DGKB: variants seen among roughly 807,000 people sequenced by gnomAD.
DGKB encodes the protein diacylglycerol kinase beta.
In DGKB, 67 loss-of-function variants were observed where a neutral mutation model predicts 114.3. That is an observed-to-expected ratio of 0.59 (90% CI 0.48 to 0.72). The LOEUF (loss-of-function observed/expected upper bound fraction) is 0.72. DGKB is among the 30% of genes least tolerant of loss of function. The pLI is 0.00. For synonymous variants in DGKB, 398 were observed against 323.1 expected, an observed-to-expected ratio of 1.23 and a Z score of -2.49; for missense variants, 907 against 975.2, an observed-to-expected ratio of 0.93 and a Z score of 0.93.
intron 21 of DGKB, among the ~76,000 whole-genome samples, chr7:14,425,169 C>T (rs1362762432): frequency 6.6e-6 from 1 of 152,010 alleles, no homozygotes; most frequent in Non-Finnish European, 1.5e-5. Flanking sequence ...ATCCTCTCAA[C>T]AACATACTGC....
At chr7:14,554,114 T>C (rs979952794) in intron 20 of DGKB, among the ~76,000 whole-genome samples, 7 of 151,964 alleles carry the variant, frequency 4.6e-5, no homozygotes, top group Non-Finnish European at 8.8e-5. Context: ...CCTCGTGATC[T>C]GCCCACCTCG....
chr7:14,381,038 A>G (rs1819382199), intron 21 of DGKB, among the ~76,000 whole-genome samples: 1 of 152,204 alleles, frequency 6.6e-6, no homozygotes, highest in African/African-American at 2.4e-5. Flanking sequence ...GTTGGAAGGA[A>G]GGCTCCTCAC....
In DGKB at chr7:14,309,949, A is replaced by C. The variant is rs201298164; in HGVS notation, c.2122+28566T>G. Among the ~76,000 whole-genome samples, 8 of 152,276 alleles carry C rather than the reference A, an allele frequency of 5.3e-5. No individual in the cohort carries two copies. The East Asian group carries it at 1.5e-3, about 29-fold the overall frequency. ...TACAGTAGCTAATGGATATGGAAGCACTCTACTATGATATTAAGATTTAAA... is the reference window on the plus strand; with the variant it reads ...TACAGTAGCTAATGGATATGGAAGCCCTCTACTATGATATTAAGATTTAAA... On this transcript the variant is annotated intron_variant, in intron 23 of 25. Coordinates refer to ENST00000402815, the MANE Select transcript of DGKB (RefSeq NM_001350709.2).
intron 23 of DGKB, among the ~76,000 whole-genome samples, chr7:14,221,150 C>G (rs1343896948): frequency 6.6e-6 from 1 of 151,090 alleles, no homozygotes; most frequent in East Asian, 1.9e-4. Context: ...AATCTGATGC[C>G]TTTTATTTAT....
chr7:14,497,241 A>G (rs1484958298), intron 20 of DGKB, among the ~76,000 whole-genome samples: 1 of 151,798 alleles, frequency 6.6e-6, no homozygotes, highest in Non-Finnish European at 1.5e-5. Context: ...CATATGATGT[A>G]AACTATTAGG....
At chr7:14,545,219 T>C (rs1794091748) in intron 20 of DGKB, among the ~76,000 whole-genome samples, 1 of 152,122 alleles carries the variant, frequency 6.6e-6, no homozygotes, top group African/African-American at 2.4e-5. Flanking sequence ...GTACATTTTT[T>C]CAGTTGCAAA....
chr7:14,507,506 G>A (rs1429256803), intron 20 of DGKB, among the ~76,000 whole-genome samples: 3 of 152,068 alleles, frequency 2.0e-5, no homozygotes, highest in Admixed American at 6.6e-5. Flanking sequence ...AAACCATAAA[G>A]TATATGAAGA....
chr7:14,152,219 C>T (rs981515178), intron 25 of DGKB, among the ~76,000 whole-genome samples: 3 of 151,984 alleles, frequency 2.0e-5, no homozygotes, highest in African/African-American at 7.2e-5. Flanking sequence ...GGACATGAAC[C>T]AAATGGCCTT....
rs536157535 is a variant in DGKB, at chr7:14,682,294, A to T, written c.1035+259T>A. 7.3e-5 allele frequency among the ~76,000 whole-genome samples: 11 copies of T among 151,704 alleles called. No individual in the cohort carries two copies. In the South Asian group the frequency reaches 2.1e-3, roughly 29 times the overall value. ...GATTACCTTCCTGGGAACCTCTAAC[A>T]CTCCATGGAACACAGTTTAAAAACC... On this transcript the variant is annotated intron_variant, in intron 12 of 25. Transcript: ENST00000402815.
intron 23 of DGKB, among the ~76,000 whole-genome samples, chr7:14,206,514 T>C (rs1372406194): frequency 6.6e-6 from 1 of 152,032 alleles, no homozygotes; most frequent in Non-Finnish European, 1.5e-5. Flanking sequence ...AAAGGCATAT[T>C]AGGCTTAATA....
At chr7:14,362,167 G>A (rs780509589) in intron 21 of DGKB, among the ~76,000 whole-genome samples, 6 of 152,002 alleles carry the variant, frequency 3.9e-5, no homozygotes, top group Non-Finnish European at 7.4e-5. Context: ...TGGAGGCTCC[G>A]TTTAGTGGGT....
At chr7:14,667,083 A>T (rs1227539980) in intron 13 of DGKB, among the ~76,000 whole-genome samples, 1 of 152,094 alleles carries the variant, frequency 6.6e-6, no homozygotes, top group Non-Finnish European at 1.5e-5. Flanking sequence ...GCATGCTTAT[A>T]AAAAGCATTT....
intron 2 of DGKB, among the ~76,000 whole-genome samples, chr7:14,765,324 G>A (rs960256539): frequency 6.6e-6 from 1 of 152,076 alleles, no homozygotes; most frequent in East Asian, 1.9e-4. Context: ...AGCTTAAAAA[G>A]ATAATGGGCA....
intron 2 of DGKB, among the ~76,000 whole-genome samples, chr7:14,819,637 C>T (rs1270439618): frequency 6.6e-6 from 1 of 151,978 alleles, no homozygotes; most frequent in Non-Finnish European, 1.5e-5. Context: ...TACTACATCC[C>T]TATGACACAC....
Position 14,281,048 on chromosome 7 carries a change from T to G in DGKB, c.2122+57467A>C, listed in dbSNP as rs1201067498. On this transcript the variant is annotated intron_variant, in intron 23 of 25. Transcript: ENST00000402815. ...ATGTAAATGGACTAAATGCTCCAAT[T>G]AAAAGACACAGACTGGCAAATTGGA... is the stretch of plus-strand genomic sequence containing the variant. 1.7e-3 allele frequency among the ~76,000 whole-genome samples: 255 copies of G among 149,442 alleles called. 1 individual carries two copies. Among genetic ancestry groups the G allele is most frequent in the African/African-American group, 5.9e-3 (241 of 40,864 alleles).
chr7:14,152,528 C>A (rs1429395714), intron 25 of DGKB, among the ~76,000 whole-genome samples: 2 of 151,976 alleles, frequency 1.3e-5, no homozygotes, highest in African/African-American at 4.8e-5. Flanking sequence ...CTTCCTTCTC[C>A]TTATCATGTA....
At chr7:14,501,567 A>G (rs557934728) in intron 20 of DGKB, among the ~76,000 whole-genome samples, 3 of 151,914 alleles carry the variant, frequency 2.0e-5, no homozygotes, top group Non-Finnish European at 2.9e-5. Context: ...AAAAGAGGTA[A>G]TGACTCAAAC....
chr7:14,941,379 T>C (rs1785563156), intron 1 of DGKB, among the ~76,000 whole-genome samples: 1 of 152,094 alleles, frequency 6.6e-6, no homozygotes, highest in Non-Finnish European at 1.5e-5. Context: ...CATTTTGGGA[T>C]CCAGCTAATT....
intron 21 of DGKB, among the ~76,000 whole-genome samples, chr7:14,345,676 T>C (rs1248022792): frequency 6.6e-6 from 1 of 151,712 alleles, no homozygotes; most frequent in Non-Finnish European, 1.5e-5. Context: ...TGCTCATGAT[T>C]CTTAGCTTGT....
Sources: allele counts gnomAD v4.1 joint callset (sites outside exome capture counted in the v4.1 genomes callset), GRCh38; gene constraint gnomAD v4.1.1; transcripts MANE v1.5; gene names NCBI Gene and HGNC (gene_info 2026-07-23, HGNC 2026-07-21).